The following FRMD4B variants were observed in gnomAD, a reference collection of about 807,000 sequenced individuals.
FRMD4B encodes the protein FERM domain-containing protein 4B.
FRMD4B carries 74 observed loss-of-function variants against 141.5 expected under a neutral mutation model. That is an observed-to-expected ratio of 0.52 (90% confidence interval 0.43 to 0.63). The LOEUF (loss-of-function observed/expected upper bound fraction) is 0.63. Among genes scored for constraint, FRMD4B ranks in the 30% least tolerant of loss-of-function variants. The pLI is 0.00. For missense variants in FRMD4B, 1,366 were observed against 1,253.4 expected (o/e 1.09, Z -1.36); for synonymous variants, 506 against 467.9 (o/e 1.08, Z -1.05).
intron 5 of FRMD4B, among the ~76,000 whole-genome samples, chr3:69,260,156 C>T (rs892767508): frequency 2.0e-5 from 3 of 152,114 alleles, no homozygotes; most frequent in Non-Finnish European, 4.4e-5. Context: ...CCTCGGTGTC[C>T]ACTCTGGTCT....
intron 1 of FRMD4B, chr3:69,353,645 G>A (rs1475498053): frequency 8.4e-5 from 83 of 983,892 alleles, no homozygotes; most frequent in East Asian, 1.1e-4. Context: ...GTGTGTGTGC[G>A]CGCGCGTGTG....
Position 69,189,908 on chromosome 3 carries a change from T to C in FRMD4B, c.1759A>G (p.Thr587Ala), listed in dbSNP as rs1346269199. 3 of 1,593,052 alleles carry C rather than the reference T, an allele frequency of 1.9e-6. No individual in the cohort carries two copies. ...SESSSLSDTT[T>A]YDDPSDAFTF... ...AAGAGCCACTTACGATCATCATAGGTGGTGGTGTCAGACAAAGAGCTACTC... is the reference window on the plus strand; with the variant it reads ...AAGAGCCACTTACGATCATCATAGGCGGTGGTGTCAGACAAAGAGCTACTC... Residue 587 changes from threonine (T) to alanine (A), a missense_variant, in exon 18 of 23, where the codon ACC (threonine) becomes GCC (alanine). Thr to Ala is a moderately conservative substitution (Grantham distance 58). Coordinates refer to ENST00000398540, the MANE Select transcript of FRMD4B (RefSeq NM_015123.3).
intron 1 of FRMD4B, among the ~76,000 whole-genome samples, chr3:69,469,625 T>C (rs1705854789): frequency 6.6e-6 from 1 of 152,208 alleles, no homozygotes; most frequent in Admixed American, 6.5e-5. Flanking sequence ...TTTTGCTCAC[T>C]GGTCACCAGA....
chr3:69,459,235 T>C lies in FRMD4B; in HGVS notation c.-128-26474A>G, dbSNP rs149515572. Among the ~76,000 whole-genome samples, 140 of 152,350 alleles carry C rather than the reference T, an allele frequency of 9.2e-4. 2 individuals carry two copies. Among genetic ancestry groups the C allele is most frequent in the African/African-American group, 3.2e-3 (133 of 41,586 alleles). On this transcript the variant is annotated intron_variant, in intron 1 of 5. Transcript: ENST00000459638. ...ATTTCAGTAAATTATGGTTCTCTGC[T>C]TCCTACTTCAGAATCATTGAACTGA...
intron 7 of FRMD4B, among the ~76,000 whole-genome samples, chr3:69,226,396 CTT>C (rs1052677903): frequency 1.3e-5 from 2 of 150,190 alleles, no homozygotes; most frequent in African/African-American, 4.9e-5. Context: ...AATAATCTCT[CTT>C]ATGTTCTGTC....
chr3:69,464,800 T>C (rs1390392970), intron 1 of FRMD4B, among the ~76,000 whole-genome samples: 3 of 152,144 alleles, frequency 2.0e-5, no homozygotes, highest in Admixed American at 2.0e-4. Flanking sequence ...ACTATCTCGA[T>C]CCAACTACCA....
intron 1 of FRMD4B, among the ~76,000 whole-genome samples, chr3:69,341,174 T>C (rs1178227753): frequency 1.3e-5 from 2 of 152,206 alleles, no homozygotes; most frequent in African/African-American, 4.8e-5. Context: ...ACCTCAGTGC[T>C]TGTTCTAATG....
chr3:69,541,176 G>C (rs555200786), intron 1 of FRMD4B: 1 of 152,262 alleles, frequency 6.6e-6, no homozygotes, highest in South Asian at 2.1e-4. Context: ...GGATCAACCA[G>C]CTTCCCGGAA....
intron 1 of FRMD4B, among the ~76,000 whole-genome samples, chr3:69,340,670 G>A (rs1164941374): frequency 1.3e-5 from 2 of 152,158 alleles, no homozygotes; most frequent in African/African-American, 2.4e-5. Flanking sequence ...AGGTAATACT[G>A]GTGCTACACT....
In FRMD4B at chr3:69,345,172, G is replaced by A. The variant is rs187259627; in HGVS notation, c.163-31655C>T. Among the ~76,000 whole-genome samples, 479 of 152,312 alleles carry A rather than the reference G, an allele frequency of 3.1e-3. 3 individuals are homozygous for A. Among genetic ancestry groups the A allele is most frequent in the African/African-American group, 0.011 (466 of 41,554 alleles). On this transcript the variant is annotated intron_variant, in intron 1 of 22. Transcript: ENST00000398540. ...ACTTTTCCAATGGTCTTAGCAAATG[G>A]CACACCAGGAGATTATATCCTGCAC... is the stretch of plus-strand genomic sequence containing the variant.
At chr3:69,192,605 G>A (rs1038047256) in intron 17 of FRMD4B, among the ~76,000 whole-genome samples, 6 of 152,228 alleles carry the variant, frequency 3.9e-5, no homozygotes, top group Admixed American at 1.3e-4. Flanking sequence ...AATACATAAT[G>A]TTGAGAACTT....
At chr3:69,406,349 C>A (rs982209802) in intron 2 of FRMD4B, among the ~76,000 whole-genome samples, 1 of 152,246 alleles carries the variant, frequency 6.6e-6, no homozygotes, top group Non-Finnish European at 1.5e-5. Context: ...AAGATGCCAA[C>A]TGTGCAAGGC....
intron 1 of FRMD4B, chr3:69,353,647 G>C: frequency 1.0e-6 from 1 of 984,160 alleles, no homozygotes; most frequent in Non-Finnish European, 1.2e-6. Flanking sequence ...GTGTGTGCGC[G>C]CGCGTGTGTG....
chr3:69,260,238 G>A (rs1277679374), intron 5 of FRMD4B, among the ~76,000 whole-genome samples: 1 of 152,194 alleles, frequency 6.6e-6, no homozygotes, highest in African/African-American at 2.4e-5. Flanking sequence ...GCCAGAGCTG[G>A]CTCCCTCTGC....
At chr3:69,491,670 C>T (rs1031522121) in intron 1 of FRMD4B, among the ~76,000 whole-genome samples, 5 of 152,180 alleles carry the variant, frequency 3.3e-5, no homozygotes, top group Non-Finnish European at 7.3e-5. Flanking sequence ...AACCTAAGCA[C>T]CACACAGTCA....
At chr3:69,281,836 A>T (rs11425995) in intron 5 of FRMD4B, among the ~76,000 whole-genome samples, 20,522 of 108,616 alleles carry the variant, frequency 0.19, 1,755 homozygotes, top group East Asian at 0.45. Flanking sequence ...AAAAAAAAAA[A>T]AAATATATAT....
chr3:69,291,504 A>T (rs1248761812), intron 4 of FRMD4B, among the ~76,000 whole-genome samples: 4 of 152,210 alleles, frequency 2.6e-5, no homozygotes, highest in Non-Finnish European at 5.9e-5. Flanking sequence ...GCTGGATATA[A>T]ATGAGTGATG....
chr3:69,216,281 G>T lies in FRMD4B; in HGVS notation c.858C>A (p.Asp286Glu). Residue 286 changes from aspartate (D) to glutamate (E), a missense_variant, in exon 11 of 23, where the codon GAC (aspartate) becomes GAA (glutamate). Coordinates refer to ENST00000398540, the MANE Select transcript of FRMD4B (RefSeq NM_015123.3). Reference sequence around the variant, plus strand: ...CACTTACCTTCCGAGGCTTCACCTTGTCTTGTATATCATATTGGCCAATTC... The same window carrying T: ...CACTTACCTTCCGAGGCTTCACCTTTTCTTGTATATCATATTGGCCAATTC... ...YKGIGQYDIQ[D>E]KVKPRKLFQW... is the part of the protein sequence containing the mutation. 1.3e-6 allele frequency: 2 copies of T among 1,558,580 alleles called. No homozygotes were observed. Among genetic ancestry groups the T allele is most frequent in the Non-Finnish European group, 1.8e-6 (2 of 1,139,360 alleles).
In FRMD4B at chr3:69,313,970, T is replaced by C. The variant is rs1346089544; in HGVS notation, c.163-453A>G. On this transcript the variant is annotated intron_variant, in intron 1 of 22. Transcript: ENST00000398540. ...CTGGCTAACACGGTGAAACCCCGTC[T>C]CTACTAAAAATACAAAAAATTAGCC... is the stretch of plus-strand genomic sequence containing the variant. Among the ~76,000 whole-genome samples, 10 of 147,348 alleles carry C rather than the reference T, an allele frequency of 6.8e-5. No homozygotes were observed. The South Asian group carries it at 1.8e-3, about 26-fold the overall frequency.
Sources: gnomAD v4.1 joint callset for allele counts (sites outside exome capture counted in the v4.1 genomes callset) on GRCh38, gnomAD v4.1.1 for gene constraint, MANE v1.5 for transcripts, NCBI Gene and HGNC (gene_info 2026-07-23, HGNC 2026-07-21) for gene names.